Variants in SULT1B1 observed in about 807,000 individuals in gnomAD.
SULT1B1 encodes sulfotransferase 1B1.
Under a neutral mutation model 34.6 loss-of-function variants are expected in SULT1B1, and 28 were observed. That is an observed-to-expected ratio of 0.81 (90% confidence interval 0.60 to 1.11). SULT1B1 has a LOEUF of 1.11. SULT1B1 is among the 50% of genes least tolerant of loss of function. SULT1B1 has a pLI of 0.00. For missense variants in SULT1B1, 374 were observed against 352.2 expected (o/e 1.06, Z -0.50); for synonymous variants, 147 against 110.2 (o/e 1.33, Z -2.09).
intron 1 of SULT1B1, among the ~76,000 whole-genome samples, chr4:69,756,297 T>C (rs115907963): frequency 0.018 from 2,669 of 152,270 alleles, 78 homozygotes; most frequent in African/African-American, 0.062. Context: ...TAATTTTTTA[T>C]TGGATGCTTG....
At chr4:69,739,201 A>G (rs2110022271) in intron 4 of SULT1B1, among the ~76,000 whole-genome samples, 1 of 152,266 alleles carries the variant, frequency 6.6e-6, no homozygotes, top group African/African-American at 2.4e-5. Context: ...CAGCTCCACT[A>G]GGTGATGCCC....
chr4:69,746,136 G>T (rs1022110035), intron 4 of SULT1B1, among the ~76,000 whole-genome samples: 1 of 152,076 alleles, frequency 6.6e-6, no homozygotes, highest in African/African-American at 2.4e-5. Flanking sequence ...TGTCTTTAAG[G>T]TTTCTTATTT....
chr4:69,726,471 T>C lies in SULT1B1; in HGVS notation c.*617A>G, dbSNP rs575516018. ...CAGGTAACCAATCCTACAGAGACTA[T>C]TGTAGGCGTTTGCCTTTCGGAGACT... On this transcript the variant is annotated 3_prime_UTR_variant, in exon 8 of 8. Coordinates refer to ENST00000310613, the MANE Select transcript of SULT1B1 (RefSeq NM_014465.4). The C allele has an allele frequency of 2.0e-5, 3 of 151,930 alleles. No homozygotes were observed. Among genetic ancestry groups the C allele is most frequent in the Non-Finnish European group, 4.4e-5 (3 of 67,990 alleles). 9.4% of individuals were successfully genotyped at this position (151,930 alleles called of 1,614,324 possible).
intron 3 of SULT1B1, among the ~76,000 whole-genome samples, chr4:69,753,538 T>C (rs552399460): frequency 6.6e-6 from 1 of 152,312 alleles, no homozygotes; most frequent in African/African-American, 2.4e-5. Flanking sequence ...TTCCAATTGT[T>C]TTGCATCCCA....
chr4:69,724,460 A>C lies in SULT1B1; in HGVS notation c.*2628T>G, dbSNP rs1167038068. ...GGCCATACTGCCCAAGGTCATTTAT[A>C]GATTCAATGCCATCCCCATTAAGCT... On this transcript the variant is annotated 3_prime_UTR_variant, in exon 8 of 8. Coordinates refer to ENST00000310613, the MANE Select transcript of SULT1B1 (RefSeq NM_014465.4). The C allele has an allele frequency of 6.6e-6, 1 of 152,256 alleles. No individual in the cohort carries two copies. The highest frequency in any genetic ancestry group is 2.4e-5 in the African/African-American group (1 of 41,454). The allele number at this position is 152,256 out of a possible 1,614,324, so 9.4% of individuals were successfully genotyped here.
chr4:69,741,008 T>G (rs1718527883), intron 4 of SULT1B1, among the ~76,000 whole-genome samples: 1 of 152,242 alleles, frequency 6.6e-6, no homozygotes, highest in African/African-American at 2.4e-5. Context: ...TTCTGGGTTT[T>G]TATAGTTTTT....
chr4:69,733,901 T>C (rs1718187733), intron 5 of SULT1B1, among the ~76,000 whole-genome samples: 1 of 152,176 alleles, frequency 6.6e-6, no homozygotes, highest in South Asian at 2.1e-4. Flanking sequence ...ATAATGGACT[T>C]CTAGCAACTG....
chr4:69,734,346 A>G (rs1718216760), intron 4 of SULT1B1, 82 bp from the exon 5 acceptor site: 1 of 1,454,272 alleles, frequency 6.9e-7, no homozygotes, highest in African/African-American at 1.5e-5. Flanking sequence ...TACGCATGTA[A>G]AAAAGCAGAG....
intron 3 of SULT1B1, among the ~76,000 whole-genome samples, chr4:69,750,582 C>T (rs975998993): frequency 7.2e-5 from 11 of 152,180 alleles, no homozygotes; most frequent in African/African-American, 2.7e-4. Context: ...CAAACCCACA[C>T]AAAATTGCAT....
At position 69,737,511 on chromosome 4, in the gene SULT1B1, C is replaced by G. The variant is rs553934616; in HGVS notation, c.376-3247G>C. 2.4e-4 allele frequency among the ~76,000 whole-genome samples: 37 copies of G among 152,258 alleles called. 1 individual carries two copies. The highest frequency in any genetic ancestry group is 7.2e-4 in the African/African-American group (30 of 41,552). ...ACAATTGAGGCAAAAGTTACATTATCTGATGCGGTGTTCAGTTTATGTACA... is the reference window on the plus strand; with the variant it reads ...ACAATTGAGGCAAAAGTTACATTATGTGATGCGGTGTTCAGTTTATGTACA... On this transcript the variant is annotated intron_variant, in intron 4 of 7. Coordinates refer to ENST00000310613, the MANE Select transcript of SULT1B1 (RefSeq NM_014465.4).
chr4:69,744,234 G>T (rs1050160641), intron 4 of SULT1B1, among the ~76,000 whole-genome samples: 1 of 152,176 alleles, frequency 6.6e-6, no homozygotes, highest in African/African-American at 2.4e-5. Flanking sequence ...GCTCTCGGGG[G>T]AGTGCCAGGG....
intron 3 of SULT1B1, among the ~76,000 whole-genome samples, chr4:69,751,856 C>T (rs1287470986): frequency 6.6e-6 from 1 of 152,200 alleles, no homozygotes; most frequent in African/African-American, 2.4e-5. Flanking sequence ...CCCAATCCTG[C>T]CTTCCATCTG....
intron 4 of SULT1B1, among the ~76,000 whole-genome samples, chr4:69,741,481 G>A (rs928880441): frequency 5.9e-5 from 9 of 152,082 alleles, no homozygotes; most frequent in Non-Finnish European, 1.0e-4. Flanking sequence ...GGGCAGTATG[G>A]TCATCTTAAC....
intron 7 of SULT1B1, among the ~76,000 whole-genome samples, chr4:69,727,650 G>C (rs1004814152): frequency 6.6e-6 from 1 of 151,976 alleles, no homozygotes; most frequent in African/African-American, 2.4e-5. Flanking sequence ...ATAAAAAGTT[G>C]ATAAGTATCA....
At chr4:69,744,071 C>A (rs146131731) in intron 4 of SULT1B1, among the ~76,000 whole-genome samples, 1 of 152,206 alleles carries the variant, frequency 6.6e-6, no homozygotes, top group African/African-American at 2.4e-5. Flanking sequence ...TCCCTGCTTC[C>A]GCTGGCTTCG....
intron 4 of SULT1B1, among the ~76,000 whole-genome samples, chr4:69,740,638 C>T (rs762860743): frequency 3.3e-5 from 5 of 152,200 alleles, no homozygotes; most frequent in Non-Finnish European, 7.3e-5. Flanking sequence ...CATACAAATA[C>T]ATGTGTCTTC....
At position 69,721,771 on chromosome 4, in the gene SULT1B1, T is replaced by C. The variant is rs1717674321; in HGVS notation, c.*5317A>G. On this transcript the variant is annotated 3_prime_UTR_variant, in exon 8 of 8. Coordinates refer to ENST00000310613, the MANE Select transcript of SULT1B1 (RefSeq NM_014465.4). ...GTTCTTGTAAGCAATGCTTTGGCTT[T>C]TTAGAAAATAGCCCTTTAGTTTATT... The C allele has an allele frequency of 6.6e-6, 1 of 152,126 alleles. No individual in the cohort carries two copies. Among genetic ancestry groups the C allele is most frequent in the Non-Finnish European group, 1.5e-5 (1 of 67,984 alleles). 9.4% of individuals were successfully genotyped at this position (152,126 alleles called of 1,614,324 possible).
intron 7 of SULT1B1, 28 bp downstream of exon 7, chr4:69,730,473 G>C (rs1718029637): frequency 6.4e-7 from 1 of 1,573,008 alleles, no homozygotes; most frequent in Admixed American, 1.7e-5. Context: ...AAGTACGAAA[G>C]GGAAATTAAA....
At chr4:69,752,231 A>T (rs1054879498) in intron 3 of SULT1B1, among the ~76,000 whole-genome samples, 1 of 152,040 alleles carries the variant, frequency 6.6e-6, no homozygotes, top group Non-Finnish European at 1.5e-5. Flanking sequence ...TAAGTGTCTA[A>T]TTTTCTTTTT....
Sources: allele counts gnomAD v4.1 joint callset (sites outside exome capture counted in the v4.1 genomes callset), GRCh38; gene constraint gnomAD v4.1.1; transcripts MANE v1.5; gene names NCBI Gene and HGNC (gene_info 2026-07-23, HGNC 2026-07-21).